COX7B2: variants seen among roughly 807,000 people sequenced by gnomAD.
The protein encoded by COX7B2 is cytochrome c oxidase subunit 7B2.
For missense variants in COX7B2, 109 were observed against 95.9 expected (o/e 1.14, Z -0.57); for synonymous variants, 37 against 32.1 (o/e 1.15, Z -0.51).
intron 2 of COX7B2, among the ~76,000 whole-genome samples, chr4:46,770,425 A>G (rs1716808978): frequency 6.6e-6 from 1 of 152,162 alleles, no homozygotes; most frequent in Admixed American, 6.5e-5. Context: ...ACCCAAATAA[A>G]TCTTAGATTC....
At chr4:46,889,560 AAT>A (rs1719294852) in intron 1 of COX7B2, among the ~76,000 whole-genome samples, 1 of 152,234 alleles carries the variant, frequency 6.6e-6, no homozygotes, top group Non-Finnish European at 1.5e-5. Context: ...CTGTATGTCA[AAT>A]ATTAGCCACA....
At chr4:46,888,107 G>A (rs1719191116) in intron 1 of COX7B2, among the ~76,000 whole-genome samples, 1 of 152,166 alleles carries the variant, frequency 6.6e-6, no homozygotes, top group South Asian at 2.1e-4. Context: ...CTCGCATGGT[G>A]TGTACTGTGC....
At chr4:46,797,524 T>C (rs1383289457) in intron 2 of COX7B2, among the ~76,000 whole-genome samples, 1 of 152,180 alleles carries the variant, frequency 6.6e-6, no homozygotes. Context: ...GACTATACAG[T>C]GAGTGCTATT....
At chr4:46,774,352 C>G (rs1188300698) in intron 2 of COX7B2, among the ~76,000 whole-genome samples, 1 of 151,838 alleles carries the variant, frequency 6.6e-6, no homozygotes, top group Non-Finnish European at 1.5e-5. Flanking sequence ...CTGACCTTGT[C>G]TTCAAGTTCA....
intron 1 of COX7B2, among the ~76,000 whole-genome samples, chr4:46,890,916 G>C (rs890584012): frequency 6.6e-6 from 1 of 152,160 alleles, no homozygotes; most frequent in Non-Finnish European, 1.5e-5. Context: ...TTCTGGTCAT[G>C]TGTAAAACAT....
At chr4:46,827,328 T>C (rs1213578513) in intron 2 of COX7B2, among the ~76,000 whole-genome samples, 1 of 151,794 alleles carries the variant, frequency 6.6e-6, no homozygotes, top group Non-Finnish European at 1.5e-5. Flanking sequence ...AGTCGACTTA[T>C]GAAAGCTACA....
At chr4:46,747,595 G>C (rs28566057) in intron 2 of COX7B2, among the ~76,000 whole-genome samples, 49,714 of 151,872 alleles carry the variant, frequency 0.33, 8,401 homozygotes, top group South Asian at 0.47. Context: ...AGCCACTGTG[G>C]CTGGCCTTAG....
intron 2 of COX7B2, among the ~76,000 whole-genome samples, chr4:46,748,404 T>A (rs1251687171): frequency 6.6e-6 from 1 of 152,164 alleles, no homozygotes; most frequent in African/African-American, 2.4e-5. Context: ...AAACAGCAAT[T>A]TATACTGTGT....
At chr4:46,807,759 G>C (rs1436370087) in intron 2 of COX7B2, among the ~76,000 whole-genome samples, 1 of 151,714 alleles carries the variant, frequency 6.6e-6, no homozygotes, top group Non-Finnish European at 1.5e-5. Flanking sequence ...AGTTTTCCCA[G>C]CACCATCTTT....
At chr4:46,896,528 G>T (rs1176757294) in intron 1 of COX7B2, among the ~76,000 whole-genome samples, 2 of 151,888 alleles carry the variant, frequency 1.3e-5, no homozygotes, top group Non-Finnish European at 2.9e-5. Flanking sequence ...TCACACTCAA[G>T]ATTTGATCAT....
At chr4:46,887,471 G>T (rs1003008382) in intron 1 of COX7B2, among the ~76,000 whole-genome samples, 2 of 152,028 alleles carry the variant, frequency 1.3e-5, no homozygotes, top group East Asian at 3.9e-4. Flanking sequence ...CAGCACTTTG[G>T]GAGGCCAAGG....
intron 2 of COX7B2, among the ~76,000 whole-genome samples, chr4:46,753,992 G>C (rs1171273750): frequency 1.3e-5 from 2 of 152,134 alleles, no homozygotes; most frequent in Non-Finnish European, 2.9e-5. Context: ...TCAGAGAAAG[G>C]CAAATCAAAA....
At chr4:46,778,816 G>C (rs941330109) in intron 2 of COX7B2, among the ~76,000 whole-genome samples, 1 of 152,086 alleles carries the variant, frequency 6.6e-6, no homozygotes, top group Admixed American at 6.5e-5. Flanking sequence ...AATTTTCACT[G>C]TAGTAATTCA....
At chr4:46,749,924 C>A (rs1715249585) in intron 2 of COX7B2, among the ~76,000 whole-genome samples, 1 of 152,076 alleles carries the variant, frequency 6.6e-6, no homozygotes, top group South Asian at 2.1e-4. Flanking sequence ...ATTCAACTAC[C>A]AAACCGGATG....
At chr4:46,788,253 G>A (rs1172593860) in intron 2 of COX7B2, among the ~76,000 whole-genome samples, 2 of 151,870 alleles carry the variant, frequency 1.3e-5, no homozygotes. Flanking sequence ...AAGATAAATA[G>A]AACCAAACAA....
intron 1 of COX7B2, among the ~76,000 whole-genome samples, chr4:46,895,839 T>C (rs1038423988): frequency 3.3e-5 from 5 of 152,078 alleles, no homozygotes; most frequent in Non-Finnish European, 7.4e-5. Flanking sequence ...TTCAGCAAAA[T>C]AACTTCGCTA....
intron 1 of COX7B2, among the ~76,000 whole-genome samples, chr4:46,889,897 TG>T (rs1255328155): frequency 6.8e-5 from 10 of 146,594 alleles, no homozygotes; most frequent in African/African-American, 1.5e-4. Flanking sequence ...CATTTCAGTA[TG>T]GTTTTTTTTT....
At chr4:46,811,108 G>A (rs975150184) in intron 2 of COX7B2, among the ~76,000 whole-genome samples, 1 of 152,068 alleles carries the variant, frequency 6.6e-6, no homozygotes, top group Non-Finnish European at 1.5e-5. Context: ...CAACAGTTTG[G>A]TTTTAATGTG....
chr4:46,889,003 T>C (rs1412738643), intron 1 of COX7B2, among the ~76,000 whole-genome samples: 3 of 152,204 alleles, frequency 2.0e-5, no homozygotes, highest in Non-Finnish European at 4.4e-5. Flanking sequence ...AACACAAAAG[T>C]TAAATGCTTG....
Sources: gnomAD v4.1 joint callset for allele counts (sites outside exome capture counted in the v4.1 genomes callset) on GRCh38, gnomAD v4.1.1 for gene constraint, MANE v1.5 for transcripts, NCBI Gene and HGNC (gene_info 2026-07-23, HGNC 2026-07-21) for gene names.